RANBP17: variants seen among roughly 807,000 people sequenced by gnomAD.
RANBP17 encodes the protein ran-binding protein 17.
RANBP17 carries 158 observed loss-of-function variants against 141.2 expected under a neutral mutation model. The ratio of observed to expected loss-of-function variants is 1.12; its 90% CI spans 0.98 to 1.28. The LOEUF (loss-of-function observed/expected upper bound fraction) is 1.28, where lower values mean the gene tolerates loss of function less well. Among genes scored for constraint, RANBP17 ranks in the 50% most tolerant of loss-of-function variants. The probability of loss-of-function intolerance (pLI) is 0.00; values close to 1 mark genes in which losing one functional copy is unlikely to be tolerated. For missense variants in RANBP17, 1,438 were observed against 1,290.7 expected, an observed-to-expected ratio of 1.11 and a Z score of -1.75; for synonymous variants, 430 against 450.0, an observed-to-expected ratio of 0.96 and a Z score of 0.56.
chr5:171,264,104 T>G (rs1299753242), intron 24 of RANBP17, among the ~76,000 whole-genome samples: 3 of 152,134 alleles, frequency 2.0e-5, no homozygotes, highest in African/African-American at 7.2e-5. Context: ...ATATTTTTGC[T>G]TATTACCTAG....
At chr5:171,156,195 A>G (rs1758883502) in intron 14 of RANBP17, among the ~76,000 whole-genome samples, 1 of 152,114 alleles carries the variant, frequency 6.6e-6, no homozygotes. Context: ...ATATTCATTA[A>G]GAATCAGAAT....
At chr5:171,075,240 T>C (rs1169392889) in intron 14 of RANBP17, among the ~76,000 whole-genome samples, 1 of 152,188 alleles carries the variant, frequency 6.6e-6, no homozygotes, top group Non-Finnish European at 1.5e-5. Flanking sequence ...TTTCCTGCAA[T>C]ATAATAGGAA....
chr5:170,880,590 G>A (rs1768577077), intron 2 of RANBP17, among the ~76,000 whole-genome samples: 2 of 152,042 alleles, frequency 1.3e-5, no homozygotes, highest in African/African-American at 4.8e-5. Context: ...TATTTTTTCT[G>A]ACTTTTGATT....
chr5:171,156,402 G>A (rs1356994792), intron 14 of RANBP17, among the ~76,000 whole-genome samples: 3 of 152,128 alleles, frequency 2.0e-5, no homozygotes, highest in Non-Finnish European at 4.4e-5. Flanking sequence ...TTTGATGTGT[G>A]AAATAATTTA....
In RANBP17 at chr5:171,171,255, A is replaced by G; in HGVS notation, c.1834A>G (p.Thr612Ala). 1 of 1,597,770 alleles carries G rather than the reference A, an allele frequency of 6.3e-7. No individual in the cohort carries two copies. The highest frequency in any genetic ancestry group is 8.6e-7 in the Non-Finnish European group (1 of 1,168,910). ...AAGATATGAGCCTGTAATTTCAAGGACTCTTCAGTTCCTAAATGACCTTTC... is the reference window on the plus strand; with the variant it reads ...AAGATATGAGCCTGTAATTTCAAGGGCTCTTCAGTTCCTAAATGACCTTTC... ...WGRYEPVISR[T>A]LQFLNDLSVG... The change falls in exon 16 of 28, where the codon ACT becomes GCT. Residue 612 changes from threonine to alanine, a missense_variant. Coordinates refer to ENST00000523189, the MANE Select transcript of RANBP17 (RefSeq NM_022897.5).
intron 25 of RANBP17, among the ~76,000 whole-genome samples, chr5:171,266,421 G>C (rs1289268859): frequency 6.6e-6 from 1 of 152,098 alleles, no homozygotes; most frequent in Admixed American, 6.5e-5. Flanking sequence ...GTTCTAACTA[G>C]CTAATGGGTT....
intron 13 of RANBP17, among the ~76,000 whole-genome samples, chr5:170,963,538 G>A (rs955084108): frequency 1.3e-5 from 2 of 152,156 alleles, no homozygotes; most frequent in African/African-American, 4.8e-5. Context: ...TTTTTCCATG[G>A]ACCGGGGCAG....
At chr5:170,984,883 A>G (rs1263621852) in intron 14 of RANBP17, among the ~76,000 whole-genome samples, 1 of 152,140 alleles carries the variant, frequency 6.6e-6, no homozygotes, top group Non-Finnish European at 1.5e-5. Context: ...TGTCTATTAG[A>G]AAAGGTCCAT....
chr5:171,243,789 T>A (rs912995377), intron 24 of RANBP17, among the ~76,000 whole-genome samples: 1 of 152,142 alleles, frequency 6.6e-6, no homozygotes, highest in Non-Finnish European at 1.5e-5. Context: ...AATACTGTAT[T>A]TGGGGCTGGG....
intron 1 of RANBP17, among the ~76,000 whole-genome samples, chr5:170,867,947 A>G (rs79272742): frequency 1.3e-5 from 2 of 152,084 alleles, no homozygotes; most frequent in African/African-American, 4.8e-5. Context: ...CCCAGCCAGG[A>G]AATCACTGAT....
chr5:171,274,013 C>A (rs1298538073), intron 25 of RANBP17, among the ~76,000 whole-genome samples: 1 of 152,102 alleles, frequency 6.6e-6, no homozygotes, highest in Non-Finnish European at 1.5e-5. Context: ...ATACAATAAA[C>A]AGGCGATGAA....
chr5:171,297,534 C>T (rs546428446), intron 27 of RANBP17, among the ~76,000 whole-genome samples: 2 of 152,236 alleles, frequency 1.3e-5, no homozygotes, highest in South Asian at 4.1e-4. Context: ...ATGACCAAGT[C>T]AGTTGGGGTA....
intron 22 of RANBP17, among the ~76,000 whole-genome samples, chr5:171,231,675 A>G (rs1764218178): frequency 6.6e-6 from 1 of 152,230 alleles, no homozygotes; most frequent in African/African-American, 2.4e-5. Context: ...AATTATTTCA[A>G]AATAAACTCT....
At chr5:171,130,181 T>A (rs553805564) in intron 14 of RANBP17, among the ~76,000 whole-genome samples, 123 of 152,192 alleles carry the variant, frequency 8.1e-4, no homozygotes, top group African/African-American at 2.3e-3. Context: ...GTACTTTGCA[T>A]AAGAACATTA....
intron 14 of RANBP17, among the ~76,000 whole-genome samples, chr5:170,989,181 T>A (rs1246080680): frequency 6.6e-6 from 1 of 151,796 alleles, no homozygotes; most frequent in Admixed American, 6.6e-5. Context: ...TATTTTCTAA[T>A]GCTTATAATT....
chr5:170,929,091 TTG>T (rs1334994187), intron 12 of RANBP17, among the ~76,000 whole-genome samples: 1 of 152,124 alleles, frequency 6.6e-6, no homozygotes, highest in Non-Finnish European at 1.5e-5. Context: ...AATTTTGTCT[TTG>T]TGTCTTATAA....
At position 170,968,379 on chromosome 5, in the gene RANBP17, T is replaced by C. The variant is rs1334491339; in HGVS notation, c.1710+2T>C. The C allele has an allele frequency of 3.1e-6, 5 of 1,603,152 alleles. No homozygotes were observed. Among genetic ancestry groups the C allele is most frequent in the East Asian group, 2.2e-5 (1 of 44,686 alleles). Reference sequence around the variant, plus strand: ...GATCAACTTCAAAGAACCTCAAAGGTAGGTTTCTACTAGAGAGTTTAAAAC... The same window carrying C: ...GATCAACTTCAAAGAACCTCAAAGGCAGGTTTCTACTAGAGAGTTTAAAAC... On this transcript the variant is annotated splice_donor_variant, in intron 14 of 27. Transcript: ENST00000523189. LOFTEE classifies it high-confidence loss of function.
At chr5:170,916,666 T>C in intron 9 of RANBP17, 82 bp downstream of exon 9, 1 of 931,928 alleles carries the variant, frequency 1.1e-6, no homozygotes, top group Non-Finnish European at 1.5e-6. Flanking sequence ...ATCATGAATT[T>C]ATTATGATTC....
chr5:171,198,511 A>T (rs1003788422), intron 18 of RANBP17, among the ~76,000 whole-genome samples: 5 of 152,230 alleles, frequency 3.3e-5, no homozygotes, highest in African/African-American at 4.8e-5. Context: ...CTGAAAAATG[A>T]CTATAGATGC....
Sources: allele counts gnomAD v4.1 joint callset (sites outside exome capture counted in the v4.1 genomes callset), GRCh38; gene constraint gnomAD v4.1.1; transcripts MANE v1.5; gene names NCBI Gene and HGNC (gene_info 2026-07-23, HGNC 2026-07-21).